Variants in SKIC3 observed in about 807,000 individuals in gnomAD.
The protein encoded by SKIC3 is SKI3 subunit of superkiller complex, also known as superkiller complex protein 3.
chr5:95,513,621 T>G, the SKIC3 span: 2 of 1,613,864 alleles, frequency 1.2e-6, no homozygotes, highest in Non-Finnish European at 1.7e-6. Flanking sequence ...GTGTCATAAC[T>G]TCCAACTGCC....
chr5:95,523,441 A>G, the SKIC3 span: 2 of 1,239,828 alleles, frequency 1.6e-6, no homozygotes, highest in Non-Finnish European at 2.2e-6. Flanking sequence ...TTAAACTTAC[A>G]CTGGTATACA....
the SKIC3 span, chr5:95,536,696 T>A: frequency 7.6e-5 from 63 of 825,156 alleles, no homozygotes; most frequent in African/African-American, 9.3e-4. Flanking sequence ...CTTCTTTTTA[T>A]GTCCAGAAAC....
the SKIC3 span, among the ~76,000 whole-genome samples, chr5:95,538,858 G>A: frequency 2.6e-5 from 4 of 152,046 alleles, no homozygotes; most frequent in African/African-American, 7.2e-5. Flanking sequence ...AAGTAATTCA[G>A]TACTCTTAGT....
chr5:95,520,688 A>G, the SKIC3 span: 7 of 1,550,440 alleles, frequency 4.5e-6, no homozygotes, highest in Non-Finnish European at 6.2e-6. Flanking sequence ...TACAAAAATA[A>G]ACAATAAATA....
chr5:95,549,945 T>A, the SKIC3 span, among the ~76,000 whole-genome samples: 3 of 151,950 alleles, frequency 2.0e-5, no homozygotes, highest in African/African-American at 7.2e-5. Flanking sequence ...TTGTAAGGAT[T>A]TCTAACACGT....
At chr5:95,490,544 C>T in the SKIC3 span, among the ~76,000 whole-genome samples, 2 of 148,784 alleles carry the variant, frequency 1.3e-5, no homozygotes, top group Admixed American at 1.3e-4. Flanking sequence ...GTCACCCAGG[C>T]TGGAGAGCGG....
the SKIC3 span, chr5:95,523,293 G>A: frequency 6.2e-7 from 1 of 1,613,708 alleles, no homozygotes; most frequent in African/African-American, 1.3e-5. Context: ...CTTGCCTTTT[G>A]AGTTACTGTT....
the SKIC3 span, among the ~76,000 whole-genome samples, chr5:95,512,023 C>A: frequency 6.6e-6 from 1 of 152,186 alleles, no homozygotes; most frequent in South Asian, 2.1e-4. Context: ...AAGCTAAAGG[C>A]ACTGGGTTTG....
the SKIC3 span, chr5:95,536,498 C>A: frequency 3.2e-6 from 1 of 315,062 alleles, no homozygotes. Flanking sequence ...CTGCTCATGC[C>A]AGCTGGAATA....
the SKIC3 span, among the ~76,000 whole-genome samples, chr5:95,531,305 A>C: frequency 6.6e-6 from 1 of 152,242 alleles, no homozygotes; most frequent in African/African-American, 2.4e-5. Context: ...GAAAAGAATT[A>C]ATAATGGCTA....
the SKIC3 span, among the ~76,000 whole-genome samples, chr5:95,535,843 GA>G: frequency 3.9e-5 from 6 of 152,024 alleles, no homozygotes; most frequent in East Asian, 1.9e-4. Context: ...GCAACAAAGT[GA>G]AAAAAATTAA....
the SKIC3 span, among the ~76,000 whole-genome samples, chr5:95,471,118 A>G: frequency 6.6e-6 from 1 of 152,208 alleles, no homozygotes; most frequent in Non-Finnish European, 1.5e-5. Context: ...GAATGTGAAA[A>G]TAGACAATAG....
chr5:95,521,500 T>A, the SKIC3 span: 1 of 152,128 alleles, frequency 6.6e-6, no homozygotes, highest in African/African-American at 2.4e-5. Context: ...AAAAACCAGT[T>A]TCTTTAAAAA....
the SKIC3 span, among the ~76,000 whole-genome samples, chr5:95,504,209 G>A: frequency 2.1e-4 from 32 of 152,180 alleles, no homozygotes; most frequent in Middle Eastern, 6.8e-3. Flanking sequence ...GGTGGCACAT[G>A]CCAATAATCC....
At chr5:95,469,726 G>GA in the SKIC3 span, 1 of 1,608,372 alleles carries the variant, frequency 6.2e-7, no homozygotes, top group Admixed American at 1.7e-5. Context: ...TTATTTCCTA[G>GA]AAAGATTTAA....
the SKIC3 span, chr5:95,523,250 C>T: frequency 2.0e-5 from 33 of 1,613,880 alleles, no homozygotes; most frequent in Middle Eastern, 1.6e-4. Context: ...GTATAGTCCT[C>T]GCCTAAGCCA....
At chr5:95,486,709 C>T in the SKIC3 span, among the ~76,000 whole-genome samples, 1 of 152,168 alleles carries the variant, frequency 6.6e-6, no homozygotes, top group African/African-American at 2.4e-5. Context: ...AGGTTGGGCC[C>T]ATCCAATCTG....
the SKIC3 span, chr5:95,515,085 T>C: frequency 1.5e-6 from 1 of 657,632 alleles, no homozygotes; most frequent in African/African-American, 1.8e-5. Context: ...AAGCAGTGTT[T>C]TAACTACACA....
At chr5:95,526,717 C>T in the SKIC3 span, among the ~76,000 whole-genome samples, 15 of 152,258 alleles carry the variant, frequency 9.9e-5, no homozygotes, top group South Asian at 3.1e-3. Context: ...GATCCACCTG[C>T]CTCGGCCTCC....
Sources: allele counts gnomAD v4.1 joint callset (sites outside exome capture counted in the v4.1 genomes callset), GRCh38; gene constraint gnomAD v4.1.1; transcripts MANE v1.5; gene names NCBI Gene and HGNC (gene_info 2026-07-23, HGNC 2026-07-21).